MARCHF1: variants seen among roughly 807,000 people sequenced by gnomAD.
MARCHF1 encodes membrane associated ring-CH-type finger 1.
Under a neutral mutation model 54.2 loss-of-function variants are expected in MARCHF1, and 40 were observed. That is an observed-to-expected ratio of 0.74 (90% confidence interval 0.57 to 0.96). The LOEUF is 0.96. Among genes scored for constraint, MARCHF1 ranks in the 40% least tolerant of loss-of-function variants. The pLI is 0.00. For synonymous variants in MARCHF1, 236 were observed against 236.3 expected, an observed-to-expected ratio of 1.00 and a Z score of 0.01; for missense variants, 586 against 656.5, an observed-to-expected ratio of 0.89 and a Z score of 1.17.
intron 1 of MARCHF1, among the ~76,000 whole-genome samples, chr4:164,240,794 C>T (rs185031841): frequency 3.2e-4 from 49 of 152,116 alleles, no homozygotes; most frequent in African/African-American, 1.1e-3. Flanking sequence ...GCTATCATGA[C>T]ATTCTTTGTT....
chr4:163,938,073 G>T (rs1347987094), intron 3 of MARCHF1, among the ~76,000 whole-genome samples: 20 of 152,104 alleles, frequency 1.3e-4, no homozygotes, highest in Non-Finnish European at 1.2e-4. Context: ...GTTTTCAACA[G>T]ACCATTCCAC....
intron 3 of MARCHF1, among the ~76,000 whole-genome samples, chr4:163,921,246 T>A (rs1751423849): frequency 6.6e-6 from 1 of 151,618 alleles, no homozygotes; most frequent in African/African-American, 2.4e-5. Flanking sequence ...CCCTTGTAGA[T>A]GTTTGGAAAC....
At chr4:164,048,552 A>T (rs1378704898) in intron 2 of MARCHF1, among the ~76,000 whole-genome samples, 1 of 152,182 alleles carries the variant, frequency 6.6e-6, no homozygotes, top group African/African-American at 2.4e-5. Context: ...AGCAATTGGG[A>T]ATTACTATAT....
intron 4 of MARCHF1, among the ~76,000 whole-genome samples, chr4:163,707,974 C>T (rs1744998535): frequency 6.6e-6 from 1 of 151,698 alleles, no homozygotes; most frequent in African/African-American, 2.4e-5. Flanking sequence ...CAGAGGGGGG[C>T]CACAGGGAAA....
At chr4:164,365,306 G>A (rs924906) in intron 1 of MARCHF1, among the ~76,000 whole-genome samples, 78,860 of 151,892 alleles carry the variant, frequency 0.52, 21,283 homozygotes, top group East Asian at 0.65. Flanking sequence ...TTCACAATGC[G>A]TCATTTCCAT....
At chr4:164,040,325 A>T (rs1303418668) in intron 2 of MARCHF1, among the ~76,000 whole-genome samples, 1 of 136,180 alleles carries the variant, frequency 7.3e-6, no homozygotes, top group African/African-American at 2.8e-5. Context: ...AATATGTATA[A>T]ATACTTATAC....
chr4:163,787,918 C>G (rs1218239665), intron 4 of MARCHF1, among the ~76,000 whole-genome samples: 2 of 152,038 alleles, frequency 1.3e-5, no homozygotes, highest in African/African-American at 4.8e-5. Context: ...AAACCTGTCA[C>G]ATGCTACAAC....
chr4:163,729,284 T>C (rs1024333143), intron 4 of MARCHF1, among the ~76,000 whole-genome samples: 17 of 152,118 alleles, frequency 1.1e-4, no homozygotes, highest in African/African-American at 3.9e-4. Flanking sequence ...TTTAGGGTAA[T>C]GCTGGCCTCA....
intron 5 of MARCHF1, among the ~76,000 whole-genome samples, chr4:163,643,944 A>C (rs927858199): frequency 2.0e-5 from 3 of 152,174 alleles, no homozygotes; most frequent in African/African-American, 4.8e-5. Flanking sequence ...TAAGAGTACA[A>C]ATGACAATAG....
intron 3 of MARCHF1, among the ~76,000 whole-genome samples, chr4:163,939,418 G>A (rs1751865157): frequency 6.6e-6 from 1 of 152,102 alleles, no homozygotes; most frequent in Non-Finnish European, 1.5e-5. Flanking sequence ...GCTCGCTAGG[G>A]AAATGTCTGA....
chr4:163,942,985 G>A (rs1352894390), intron 3 of MARCHF1, among the ~76,000 whole-genome samples: 4 of 150,092 alleles, frequency 2.7e-5, no homozygotes, highest in African/African-American at 4.9e-5. Context: ...GTTGTTGGCC[G>A]CATGTATGTC....
At chr4:163,744,951 G>C (rs1376183954) in intron 4 of MARCHF1, among the ~76,000 whole-genome samples, 2 of 152,018 alleles carry the variant, frequency 1.3e-5, no homozygotes, top group Admixed American at 1.3e-4. Context: ...CTAAAAATTA[G>C]GCTCTGTGCT....
chr4:164,154,353 T>G (rs553212155), intron 1 of MARCHF1, among the ~76,000 whole-genome samples: 1 of 152,348 alleles, frequency 6.6e-6, no homozygotes, highest in African/African-American at 2.4e-5. Context: ...CCACACGTTA[T>G]AGATGAGGAA....
intron 1 of MARCHF1, among the ~76,000 whole-genome samples, chr4:164,254,107 T>C (rs575250247): frequency 6.6e-6 from 1 of 152,232 alleles, no homozygotes; most frequent in South Asian, 2.1e-4. Context: ...TCTATATTTG[T>C]TATGAATTTT....
intron 7 of MARCHF1, among the ~76,000 whole-genome samples, chr4:163,603,701 C>G (rs1257803400): frequency 1.3e-5 from 2 of 152,094 alleles, no homozygotes; most frequent in African/African-American, 4.8e-5. Context: ...CAAATGGAAA[C>G]TTTTAAAATC....
At chr4:164,074,384 G>A (rs188614336) in intron 2 of MARCHF1, among the ~76,000 whole-genome samples, 1 of 152,260 alleles carries the variant, frequency 6.6e-6, no homozygotes, top group East Asian at 1.9e-4. Flanking sequence ...TCCAGAGTAT[G>A]TAACAGGTAC....
At chr4:163,972,000 A>C (rs1348084641) in intron 3 of MARCHF1, among the ~76,000 whole-genome samples, 4 of 152,248 alleles carry the variant, frequency 2.6e-5, no homozygotes, top group African/African-American at 9.6e-5. Context: ...CATATACACC[A>C]TAGAATACTG....
chr4:164,252,522 C>T (rs1227751398), intron 1 of MARCHF1, among the ~76,000 whole-genome samples: 2 of 152,116 alleles, frequency 1.3e-5, no homozygotes, highest in African/African-American at 4.8e-5. Context: ...TCAGCACCCT[C>T]ATCAGCAACA....
At chr4:163,926,360 T>C (rs1751537738) in intron 3 of MARCHF1, among the ~76,000 whole-genome samples, 1 of 151,738 alleles carries the variant, frequency 6.6e-6, no homozygotes, top group South Asian at 2.1e-4. Flanking sequence ...TATATGACTA[T>C]ACTATATTAT....
Sources: gnomAD v4.1 joint callset for allele counts (sites outside exome capture counted in the v4.1 genomes callset) on GRCh38, gnomAD v4.1.1 for gene constraint, MANE v1.5 for transcripts, NCBI Gene and HGNC (gene_info 2026-07-23, HGNC 2026-07-21) for gene names.